The following PLCD4 variants were observed in gnomAD, a reference collection of about 807,000 sequenced individuals.
The protein encoded by PLCD4 is phospholipase C delta 4.
Under a neutral mutation model 90.2 loss-of-function variants are expected in PLCD4, and 63 were observed. The observed-to-expected ratio is 0.70, with a 90% CI of 0.57 to 0.86. The LOEUF (loss-of-function observed/expected upper bound fraction) is 0.86, where lower values mean the gene tolerates loss of function less well. PLCD4 is among the 40% of genes least tolerant of loss of function. PLCD4 has a pLI of 0.00. For missense variants in PLCD4, 830 were observed against 956.3 expected, an observed-to-expected ratio of 0.87 and a Z score of 1.74; for synonymous variants, 294 against 356.5, an observed-to-expected ratio of 0.82 and a Z score of 1.97.
At position 218,618,692 on chromosome 2, in the gene PLCD4, C is replaced by A. The variant is rs781374480; in HGVS notation, c.295C>A (p.Arg99Ser). ...CTTCACCATTGTCTTCCATGGCCGC[C>A]GCTCCAACCTGGACCTGATGGCCAA... ...QGFTIVFHGR[R>S]SNLDLMANSV... The change falls in exon 4 of 16, where the codon CGC becomes AGC. Residue 99 changes from arginine (R) to serine (S), a missense_variant. Physicochemically the swap from Arg to Ser is moderately radical, Grantham distance 110 (BLOSUM62 -1). Coordinates refer to ENST00000450993, the MANE Select transcript of PLCD4 (RefSeq NM_032726.4). 6.2e-7 allele frequency: 1 copy of A among 1,613,854 alleles called. No homozygotes were observed. Among genetic ancestry groups the A allele is most frequent in the Admixed American group, 1.7e-5 (1 of 60,000 alleles).
At chr2:218,635,474 G>GACT (rs1696672811) in intron 13 of PLCD4, among the ~76,000 whole-genome samples, 1 of 152,104 alleles carries the variant, frequency 6.6e-6, no homozygotes, top group Non-Finnish European at 1.5e-5. Flanking sequence ...GAGTAGCTGG[G>GACT]ACTACAGGCG....
chr2:218,633,580 C>G (rs1334840165), intron 10 of PLCD4, 25 bp from the exon 11 acceptor site: 7 of 1,609,500 alleles, frequency 4.3e-6, no homozygotes, highest in Non-Finnish European at 6.0e-6. Flanking sequence ...GGGTTCAATT[C>G]CATCTTCTTT....
intron 1 of PLCD4, chr2:218,609,729 T>G (rs1391551282): frequency 6.6e-6 from 1 of 152,216 alleles, no homozygotes; most frequent in Non-Finnish European, 1.5e-5. Context: ...TTGGTCAATC[T>G]CCTAGGATAC....
Position 218,608,077 on chromosome 2 carries a change from A to G in PLCD4, c.-34+7A>G, listed in dbSNP as rs923053183. ...TTCTGCTCTCCTGCCCACGGTAAGG[A>G]TCTGGAAGCTCTGACTACCCTCTGC... On this transcript the variant is annotated splice_region_variant and intron_variant, in intron 1 of 15. Transcript: ENST00000450993. The G allele has an allele frequency of 4.6e-5, 7 of 152,434 alleles. No homozygotes were observed. In the East Asian group the frequency reaches 9.6e-4, roughly 21 times the overall value. The allele number at this position is 152,434 out of a possible 1,614,324, so 9.4% of individuals were successfully genotyped here.
intron 1 of PLCD4, among the ~76,000 whole-genome samples, chr2:218,608,769 G>A (rs140481880): frequency 6.6e-6 from 1 of 152,174 alleles, no homozygotes; most frequent in East Asian, 1.9e-4. Flanking sequence ...TAGATTTTTG[G>A]GTAGGGCTAA....
At position 218,636,356 on chromosome 2, in the gene PLCD4, G is replaced by C; in HGVS notation, c.2146G>C (p.Gly716Arg). The stretch of plus-strand genomic sequence containing the variant: ...CTGGAAATCCCGAAATGACTTTATT[G>C]GTCAGTACACCCTGCCTTGGACCTG... The part of the protein sequence containing the change: ...YDWKSRNDFI[G>R]QYTLPWTCMQ... The change falls in exon 15 of 16, where the codon GGT (glycine) becomes CGT (arginine). Residue 716 changes from glycine to arginine, a missense_variant. By Grantham distance (125) the Gly-to-Arg change is moderately radical. Coordinates refer to ENST00000450993, the MANE Select transcript of PLCD4 (RefSeq NM_032726.4). 6.2e-7 allele frequency: 1 copy of C among 1,613,982 alleles called. No homozygotes were observed. The highest frequency in any genetic ancestry group is 8.5e-7 in the Non-Finnish European group (1 of 1,179,894).
Position 218,616,049 on chromosome 2 carries a change from T to C in PLCD4, c.168T>C (p.Ser56=), listed in dbSNP as rs1695565096. 1.2e-6 allele frequency: 2 copies of C among 1,613,344 alleles called. No individual in the cohort carries two copies. The highest frequency in any genetic ancestry group is 1.3e-5 in the African/African-American group (1 of 74,906). ...GGCATGCACGGCAGGCCAGGGGCAG[T>C]GCCAAGCCCAGCTGTGAGTGACCTG... ...TVWHARQARG[S]AKPSFSISDV... The change falls in exon 3 of 16, where the codon AGT becomes AGC. Residue 56 remains serine, a synonymous_variant. Transcript: ENST00000450993.
chr2:218,623,002 T>C, intron 6 of PLCD4, 124 bp downstream of exon 6: 2 of 797,900 alleles, frequency 2.5e-6, no homozygotes, highest in Non-Finnish European at 4.0e-6. Context: ...TCCTGACCCC[T>C]GCCCAATCAT....
intron 13 of PLCD4, 73 bp from the exon 14 acceptor site, chr2:218,635,723 C>A: frequency 6.5e-7 from 1 of 1,533,812 alleles, no homozygotes; most frequent in South Asian, 1.2e-5. Context: ...TTCTTCTCCC[C>A]TGGGGTTGGG....
Position 218,618,576 on chromosome 2 carries a change from C to A in PLCD4, c.182-3C>A. The A allele has an allele frequency of 1.2e-6, 2 of 1,613,222 alleles. No individual in the cohort carries two copies. The highest frequency in any genetic ancestry group is 1.7e-6 in the Non-Finnish European group (2 of 1,179,232). On this transcript the variant is annotated splice_polypyrimidine_tract_variant and splice_region_variant and intron_variant, in intron 3 of 15. Coordinates refer to ENST00000450993, the MANE Select transcript of PLCD4 (RefSeq NM_032726.4). ...ATGCCTCCACCTGTTTCTTCTCTGG[C>A]AGTCTCAATCTCTGATGTGGAGACA...
chr2:218,625,953 A>G (rs561774266), intron 6 of PLCD4, among the ~76,000 whole-genome samples: 1 of 151,944 alleles, frequency 6.6e-6, no homozygotes, highest in Non-Finnish European at 1.5e-5. Context: ...CCAACCAACC[A>G]ACAAACAAAC....
At position 218,629,532 on chromosome 2, in the gene PLCD4, G is replaced by C; in HGVS notation, c.988G>C (p.Gly330Arg). Residue 330 changes from glycine to arginine, a missense_variant, in exon 8 of 16, where the codon GGG (glycine) becomes CGG (arginine). Transcript: ENST00000450993. ...GGGTTCTTTCAGGGCCCTGAAGCGG[G>C]GGTGCCGCTGCGTGGAGGTGGATGT... ...VEGYIRALKR[G>R]CRCVEVDVWD... The C allele has an allele frequency of 6.2e-7, 1 of 1,613,732 alleles. No individual in the cohort carries two copies.
intron 14 of PLCD4, 65 bp from the exon 15 acceptor site, chr2:218,636,178 G>C: frequency 1.9e-6 from 3 of 1,553,572 alleles, no homozygotes; most frequent in Non-Finnish European, 2.7e-6. Flanking sequence ...GAGAACACAA[G>C]AAAAGCAACC....
intron 3 of PLCD4, among the ~76,000 whole-genome samples, chr2:218,616,626 A>G (rs1695588057): frequency 6.6e-6 from 1 of 151,568 alleles, no homozygotes; most frequent in Admixed American, 6.6e-5. Flanking sequence ...CTAAGATGGG[A>G]GGATCACTTG....
rs1462880312 is a variant in PLCD4, at chr2:218,618,086, CAAAA to C, written c.182-490_182-487del. 1.0e-4 allele frequency among the ~76,000 whole-genome samples: 14 copies of C among 139,190 alleles called. 1 individual carries two copies. The highest frequency in any genetic ancestry group is 4.3e-4 in the South Asian group (2 of 4,606). The allele number at this position is 139,190 out of a possible 152,430, so 91.3% of individuals were successfully genotyped here. On this transcript the variant is annotated intron_variant, in intron 3 of 15. Coordinates refer to ENST00000450993, the MANE Select transcript of PLCD4 (RefSeq NM_032726.4). ...TGGGCAACAGAGCGAGACTCCATGT[CAAAA>C]AACAAACAAACAAACAAACAAACAA...
At position 218,636,653 on chromosome 2, in the gene PLCD4, C is replaced by A; in HGVS notation, c.*76C>A. 1 of 1,432,460 alleles carries A rather than the reference C, an allele frequency of 7.0e-7. No individual in the cohort carries two copies. The highest frequency in any genetic ancestry group is 9.7e-7 in the Non-Finnish European group (1 of 1,035,754). 88.7% of individuals were successfully genotyped at this position (1,432,460 alleles called of 1,614,324 possible). ...ACATCTGGAAGGATGCTCGAGAGAA[C>A]AAATGGAGGTGGTGAAAATCAAGCT... On this transcript the variant is annotated 3_prime_UTR_variant, in exon 16 of 16. Transcript: ENST00000450993.
intron 13 of PLCD4, among the ~76,000 whole-genome samples, chr2:218,635,455 G>C (rs1696670666): frequency 6.6e-6 from 1 of 152,154 alleles, no homozygotes; most frequent in South Asian, 2.1e-4. Context: ...TCTCCCATCT[G>C]AGCCTTCCGA....
At chr2:218,619,525 C>T (rs932390866) in intron 4 of PLCD4, among the ~76,000 whole-genome samples, 3 of 152,076 alleles carry the variant, frequency 2.0e-5, no homozygotes, top group South Asian at 4.1e-4. Context: ...GAACTCTGGA[C>T]CTCGTGATCC....
intron 3 of PLCD4, among the ~76,000 whole-genome samples, chr2:218,616,917 TATATATATATAGAGAGAGAGAGAG>T (rs1695615789): frequency 4.1e-5 from 1 of 24,598 alleles, no homozygotes; most frequent in Non-Finnish European, 8.0e-5. Flanking sequence ...TATATATATA[TATATATATATAGAGAGAGAGAGAG>T]AGAGAGAGAG....
Sources: allele counts gnomAD v4.1 joint callset (sites outside exome capture counted in the v4.1 genomes callset), GRCh38; gene constraint gnomAD v4.1.1; transcripts MANE v1.5; gene names NCBI Gene and HGNC (gene_info 2026-07-23, HGNC 2026-07-21).